The following ANKS1B variants were observed in gnomAD, a reference collection of about 807,000 sequenced individuals.
ANKS1B encodes the protein ankyrin repeat and sterile alpha motif domain containing 1B.
In ANKS1B, 36 loss-of-function variants were observed where a neutral mutation model predicts 148.3. The ratio of observed to expected loss-of-function variants is 0.24; its 90% confidence interval spans 0.19 to 0.32. The LOEUF (loss-of-function observed/expected upper bound fraction) is 0.32. Among genes scored for constraint, ANKS1B ranks in the 10% least tolerant of loss-of-function variants. The pLI, the probability that ANKS1B is intolerant of heterozygous loss-of-function variation, is 1.00. For missense variants in ANKS1B, 1,157 were observed against 1,542.6 expected (o/e 0.75, Z 4.19); for synonymous variants, 542 against 560.8 (o/e 0.97, Z 0.47).
At position 99,385,901 on chromosome 12, in the gene ANKS1B, T is replaced by C. The variant is rs147171804; in HGVS notation, c.1756+13730A>G. ...CGTAACATGTGATCTAAATTGTTCATCTAAAACAACAGCTTGTCAAAATGC... is the reference window on the plus strand; with the variant it reads ...CGTAACATGTGATCTAAATTGTTCACCTAAAACAACAGCTTGTCAAAATGC... On this transcript the variant is annotated intron_variant, in intron 12 of 26. Coordinates refer to ENST00000683438, the MANE Select transcript of ANKS1B (RefSeq NM_001352186.2). 1.3e-3 allele frequency among the ~76,000 whole-genome samples: 194 copies of C among 152,334 alleles called. 1 individual carries two copies. In the Middle Eastern group the frequency reaches 0.034, roughly 27 times the overall value.
At chr12:99,726,893 C>T (rs1289291161) in intron 8 of ANKS1B, among the ~76,000 whole-genome samples, 6 of 151,918 alleles carry the variant, frequency 3.9e-5, no homozygotes, top group Non-Finnish European at 8.8e-5. Flanking sequence ...AATAACCACA[C>T]GATTATCTCA....
At chr12:99,289,285 C>A (rs2079575394) in intron 12 of ANKS1B, among the ~76,000 whole-genome samples, 1 of 151,994 alleles carries the variant, frequency 6.6e-6, no homozygotes, top group Non-Finnish European at 1.5e-5. Context: ...ATTATCAGAG[C>A]TAAAGAGAGA....
chr12:99,231,311 C>T (rs1364246641), intron 14 of ANKS1B, among the ~76,000 whole-genome samples: 1 of 152,054 alleles, frequency 6.6e-6, no homozygotes, highest in Non-Finnish European at 1.5e-5. Flanking sequence ...AGATGGCTCT[C>T]TTTAGTGCAT....
chr12:99,209,833 T>C (rs997472994), intron 14 of ANKS1B, among the ~76,000 whole-genome samples: 1 of 151,998 alleles, frequency 6.6e-6, no homozygotes, highest in South Asian at 2.1e-4. Context: ...ACCAAAAACA[T>C]TCCAAACCCC....
chr12:99,585,311 G>A (rs1325433127), intron 9 of ANKS1B, among the ~76,000 whole-genome samples: 1 of 152,112 alleles, frequency 6.6e-6, no homozygotes, highest in Non-Finnish European at 1.5e-5. Context: ...GATCTCCTTT[G>A]ACGCCATGTC....
intron 12 of ANKS1B, among the ~76,000 whole-genome samples, chr12:99,389,250 A>C (rs558634890): frequency 6.6e-6 from 1 of 152,340 alleles, no homozygotes; most frequent in South Asian, 2.1e-4. Flanking sequence ...CTAAAAGTGA[A>C]GCCTGCGTTT....
At chr12:99,433,168 G>A (rs935775116) in intron 11 of ANKS1B, among the ~76,000 whole-genome samples, 2 of 152,056 alleles carry the variant, frequency 1.3e-5, no homozygotes, top group African/African-American at 4.8e-5. Flanking sequence ...TTAGAGGACT[G>A]ATTTTTGAAC....
chr12:99,649,675 G>A (rs1213006583), intron 9 of ANKS1B: 4 of 352,830 alleles, frequency 1.1e-5, no homozygotes, highest in Non-Finnish European at 2.1e-5. Context: ...AGCAAGGGCT[G>A]CATGCACATT....
At chr12:99,813,568 C>T (rs1326730998) in intron 2 of ANKS1B, among the ~76,000 whole-genome samples, 2 of 151,120 alleles carry the variant, frequency 1.3e-5, no homozygotes, top group Non-Finnish European at 3.0e-5. Flanking sequence ...TTTGATAGCT[C>T]ACAAGAAAAA....
At chr12:99,078,360 T>A (rs1007406906) in intron 16 of ANKS1B, among the ~76,000 whole-genome samples, 4 of 152,218 alleles carry the variant, frequency 2.6e-5, no homozygotes, top group Admixed American at 1.3e-4. Flanking sequence ...AAATACATTT[T>A]AAGAAACTGT....
intron 1 of ANKS1B, among the ~76,000 whole-genome samples, chr12:99,844,434 G>C (rs1040952303): frequency 6.6e-6 from 1 of 151,914 alleles, no homozygotes; most frequent in African/African-American, 2.4e-5. Context: ...TAAGGAAGGG[G>C]TCCAGTTTCA....
chr12:99,926,072 T>G (rs1051738778), intron 1 of ANKS1B, among the ~76,000 whole-genome samples: 2 of 152,210 alleles, frequency 1.3e-5, no homozygotes, highest in Non-Finnish European at 2.9e-5. Context: ...ATCTTCCCAT[T>G]TTATAGAATG....
At chr12:99,053,061 A>AGGGATATG in intron 17 of ANKS1B, 96 bp downstream of exon 17, 1 of 1,123,010 alleles carries the variant, frequency 8.9e-7, no homozygotes, top group South Asian at 2.0e-5. Context: ...ATATCTATAA[A>AGGGATATG]TCCCCATTGG....
chr12:99,366,038 A>G (rs1332800085), intron 12 of ANKS1B, among the ~76,000 whole-genome samples: 2 of 152,212 alleles, frequency 1.3e-5, no homozygotes, highest in Non-Finnish European at 2.9e-5. Context: ...ATTTGCCCTA[A>G]GAGCTCATCT....
At chr12:98,909,983 C>T (rs1043593477) in intron 17 of ANKS1B, among the ~76,000 whole-genome samples, 1 of 152,212 alleles carries the variant, frequency 6.6e-6, no homozygotes, top group African/African-American at 2.4e-5. Context: ...CATTCATAAG[C>T]AGACCAGGTG....
In ANKS1B at chr12:99,246,577, C is replaced by A; in HGVS notation, c.2044G>T (p.Glu682Ter). 6.2e-7 allele frequency: 1 copy of A among 1,613,710 alleles called. No individual in the cohort carries two copies. The highest frequency in any genetic ancestry group is 8.5e-7 in the Non-Finnish European group (1 of 1,179,780). The change falls in exon 13 of 27, where the codon GAA (glutamate) becomes TAA (stop). Residue 682 changes from glutamate (E) to a stop codon, truncating the protein, a stop_gained. Transcript: ENST00000683438. LOFTEE classifies it high-confidence loss of function. ...CTTGTGCCAACAATGGTATGGTTTT[C>A]GAGTTGGTTGCTTTTTTTGTGAAAA... The part of the protein sequence containing the change: ...TIFHKKSNQL[E>*]NHTIVGTRST...
At chr12:99,151,510 A>AAAGTG (rs1369544254) in intron 15 of ANKS1B, among the ~76,000 whole-genome samples, 1 of 148,120 alleles carries the variant, frequency 6.8e-6, no homozygotes, top group Non-Finnish European at 1.5e-5. Context: ...CCTGGGTAAC[A>AAAGTG]AAGTGAGACT....
At chr12:99,031,803 C>A (rs1235981017) in intron 17 of ANKS1B, among the ~76,000 whole-genome samples, 1 of 152,194 alleles carries the variant, frequency 6.6e-6, no homozygotes, top group Admixed American at 6.5e-5. Flanking sequence ...TGCCTCTTGC[C>A]AACCAACACA....
At chr12:99,473,907 T>C (rs1365699307) in intron 10 of ANKS1B, among the ~76,000 whole-genome samples, 2 of 152,116 alleles carry the variant, frequency 1.3e-5, no homozygotes, top group African/African-American at 4.8e-5. Flanking sequence ...TAATCAATCC[T>C]ACCAATCTTC....
Sources: allele counts gnomAD v4.1 joint callset (sites outside exome capture counted in the v4.1 genomes callset), GRCh38; gene constraint gnomAD v4.1.1; transcripts MANE v1.5; gene names NCBI Gene and HGNC (gene_info 2026-07-23, HGNC 2026-07-21).